The following ATP11A variants were observed in gnomAD, a reference collection of about 807,000 sequenced individuals.
The protein encoded by ATP11A is ATPase phospholipid transporting 11A, also known as phospholipid-transporting ATPase IH.
In ATP11A, 81 loss-of-function variants were observed where a neutral mutation model predicts 154.4. The ratio of observed to expected loss-of-function variants is 0.52; its 90% CI spans 0.44 to 0.63. ATP11A has a LOEUF of 0.63. Ranked by LOEUF, ATP11A falls within the 30% of genes least tolerant of loss-of-function variation. ATP11A has a pLI of 0.00. For missense variants in ATP11A, 1,316 were observed against 1,474.3 expected (o/e 0.89, Z 1.76); for synonymous variants, 623 against 585.9 (o/e 1.06, Z -0.91).
At chr13:112,825,324 C>A in intron 10 of ATP11A, 106 bp from the exon 11 acceptor site, 1 of 1,308,532 alleles carries the variant, frequency 7.6e-7, no homozygotes. Context: ...TCACTGTGCC[C>A]TTCCTATTCT....
intron 29 of ATP11A, among the ~76,000 whole-genome samples, chr13:112,878,613 A>G (rs996041459): frequency 2.0e-5 from 3 of 152,240 alleles, no homozygotes; most frequent in Non-Finnish European, 4.4e-5. Context: ...CCCCTCACAC[A>G]GGTGTCAGAG....
rs990945068 is a variant in ATP11A, at chr13:112,875,084, G to A, written c.3162-692G>A. 2.6e-5 allele frequency among the ~76,000 whole-genome samples: 4 copies of A among 152,130 alleles called. No individual in the cohort carries two copies. Among genetic ancestry groups the A allele is most frequent in the African/African-American group, 9.7e-5 (4 of 41,422 alleles). On this transcript the variant is annotated intron_variant, in intron 27 of 29. Coordinates refer to ENST00000375645, the MANE Select transcript of ATP11A (RefSeq NM_015205.3). The surrounding 1 kb of genome is among the most constrained non-coding windows in gnomAD (Gnocchi z 4.1). ...GTGGGTGCCCCCAGCCCCATCCCAG[G>A]TCTGCCAGCAGCTGCGTGTCCCTCC...
At chr13:112,715,926 T>G (rs1237223347) in intron 1 of ATP11A, among the ~76,000 whole-genome samples, 1 of 151,984 alleles carries the variant, frequency 6.6e-6, no homozygotes, top group Non-Finnish European at 1.5e-5. Context: ...TCCTTTCCCC[T>G]TCTCCCACTA....
intron 1 of ATP11A, among the ~76,000 whole-genome samples, chr13:112,780,562 T>C (rs763651414): frequency 3.3e-5 from 5 of 152,178 alleles, no homozygotes; most frequent in Non-Finnish European, 5.9e-5. Context: ...ACCTTTGTCT[T>C]CCATGAACAG....
Position 112,859,314 on chromosome 13 carries a change from T to C in ATP11A, c.2668-79T>C. The C allele has an allele frequency of 8.7e-7, 1 of 1,148,478 alleles. No individual in the cohort carries two copies. Among genetic ancestry groups the C allele is most frequent in the South Asian group, 1.2e-5 (1 of 81,538 alleles). The allele number at this position is 1,148,478 out of a possible 1,614,324, so 71.1% of individuals were successfully genotyped here. On this transcript the variant is annotated intron_variant, in intron 22 of 29. Transcript: ENST00000375645. The surrounding 1 kb of genome is among the most constrained non-coding windows in gnomAD (Gnocchi z 4.3). ...GTGCACGTGGATCCCTCCTCCCATG[T>C]GGGGTGGGCCACGTCGGTAGGTGGC...
At chr13:112,824,465 G>T in intron 10 of ATP11A, 40 bp downstream of exon 10, 1 of 1,575,478 alleles carries the variant, frequency 6.3e-7, no homozygotes. Context: ...ACTTAAAAGT[G>T]TCATTACCCA....
At chr13:112,781,423 G>A (rs1300961712) in intron 1 of ATP11A, among the ~76,000 whole-genome samples, 1 of 152,184 alleles carries the variant, frequency 6.6e-6, no homozygotes, top group Non-Finnish European at 1.5e-5. Flanking sequence ...GAAGTTACAC[G>A]ATTGAGGCTC....
Position 112,875,639 on chromosome 13 carries a change from G to A in ATP11A, c.3162-137G>A. On this transcript the variant is annotated intron_variant, in intron 27 of 29. Transcript: ENST00000375645. This position sits in a 1 kb window ranked among gnomAD's most constrained non-coding sequence, Gnocchi z 4.1. Reference sequence around the variant, plus strand: ...TCATTTTTTATATGATAAATTCAGAGCAGGCTCCGTGGCTTGCCAAGCAAC... The same window carrying A: ...TCATTTTTTATATGATAAATTCAGAACAGGCTCCGTGGCTTGCCAAGCAAC... The A allele has an allele frequency of 1.1e-6, 1 of 881,210 alleles. No individual in the cohort carries two copies. Among genetic ancestry groups the A allele is most frequent in the Non-Finnish European group, 1.7e-6 (1 of 586,154 alleles). The allele number at this position is 881,210 out of a possible 1,614,324, so 54.6% of individuals were successfully genotyped here.
Position 112,859,891 on chromosome 13 carries a change from G to A in ATP11A, c.2728-396G>A, listed in dbSNP as rs897766617. Among the ~76,000 whole-genome samples, 1 of 152,240 alleles carries A rather than the reference G, an allele frequency of 6.6e-6. No individual in the cohort carries two copies. Among genetic ancestry groups the A allele is most frequent in the Admixed American group, 6.5e-5 (1 of 15,288 alleles). On this transcript the variant is annotated intron_variant, in intron 23 of 29. Transcript: ENST00000375645. This position sits in a 1 kb window ranked among gnomAD's most constrained non-coding sequence, Gnocchi z 4.3. ...ATCCGGGAGGGGTGAAGGACTCCCC[G>A]GGCATCTGCCCTAGATGGACACCTC...
chr13:112,806,841 G>T (rs757589836), intron 4 of ATP11A, among the ~76,000 whole-genome samples: 2 of 152,116 alleles, frequency 1.3e-5, no homozygotes, highest in Admixed American at 6.5e-5. Flanking sequence ...TCATGTTTCT[G>T]TCACCGTAGA....
intron 1 of ATP11A, among the ~76,000 whole-genome samples, chr13:112,761,759 A>G (rs529230706): frequency 3.3e-5 from 5 of 152,208 alleles, no homozygotes; most frequent in Non-Finnish European, 7.4e-5. Flanking sequence ...GGGTTGCTGC[A>G]CCCACACCAT....
intron 2 of ATP11A, among the ~76,000 whole-genome samples, chr13:112,789,824 G>T (rs1327760624): frequency 6.7e-6 from 1 of 148,290 alleles, no homozygotes; most frequent in African/African-American, 2.5e-5. Context: ...CACACCGAGT[G>T]TCCTGACGTG....
At chr13:112,694,978 C>T (rs60635225) in intron 1 of ATP11A, among the ~76,000 whole-genome samples, 3,219 of 152,168 alleles carry the variant, frequency 0.021, 102 homozygotes, top group African/African-American at 0.073. Flanking sequence ...TATTTATTAC[C>T]GAATGGTGTA....
chr13:112,828,636 T>C (rs2079010693), intron 12 of ATP11A, among the ~76,000 whole-genome samples: 1 of 152,124 alleles, frequency 6.6e-6, no homozygotes, highest in Admixed American at 6.5e-5. Flanking sequence ...GCACGGCAGA[T>C]TTCTTCTCTG....
intron 1 of ATP11A, among the ~76,000 whole-genome samples, chr13:112,743,113 G>A (rs1016160416): frequency 8.5e-5 from 13 of 152,232 alleles, no homozygotes; most frequent in African/African-American, 3.1e-4. Context: ...GGAAGATTCA[G>A]ACTGGCAGAC....
chr13:112,731,964 G>C (rs779784532), intron 1 of ATP11A, among the ~76,000 whole-genome samples: 1 of 150,642 alleles, frequency 6.6e-6, no homozygotes, highest in Non-Finnish European at 1.5e-5. Context: ...CCCATGTTCC[G>C]GTGTGGGAAG....
At chr13:112,820,037 C>A in intron 8 of ATP11A, 87 bp downstream of exon 8, 1 of 1,311,592 alleles carries the variant, frequency 7.6e-7, no homozygotes, top group African/African-American at 1.5e-5. Context: ...GTTTCCACGG[C>A]GGCTGCTCTG....
rs2079981479 is a variant in ATP11A at position 112,858,001 on chromosome 13, G to T, written c.2521+81G>T. ...GACAAAGGCCCATGGCAGCACGCAGGTGCATTCAGGACACCCCCGTCACCA... is the reference window on the plus strand; with the variant it reads ...GACAAAGGCCCATGGCAGCACGCAGTTGCATTCAGGACACCCCCGTCACCA... On this transcript the variant is annotated intron_variant, in intron 21 of 29. Transcript: ENST00000375645. The T allele has an allele frequency of 3.8e-6, 6 of 1,570,058 alleles. No individual in the cohort carries two copies. In the Admixed American group the frequency reaches 5.0e-5, roughly 13 times the overall value.
intron 1 of ATP11A, among the ~76,000 whole-genome samples, chr13:112,736,523 A>G (rs1891017771): frequency 6.6e-6 from 1 of 152,198 alleles, no homozygotes; most frequent in South Asian, 2.1e-4. Context: ...GATGCTGTTC[A>G]GCCAGGAGCA....
Sources: allele counts gnomAD v4.1 joint callset (sites outside exome capture counted in the v4.1 genomes callset), GRCh38; gene constraint gnomAD v4.1.1; non-coding constraint Gnocchi (gnomAD v3.1); transcripts MANE v1.5; gene names NCBI Gene and HGNC (gene_info 2026-07-23, HGNC 2026-07-21).